SLC9A9: variants seen among roughly 807,000 people sequenced by gnomAD.
SLC9A9 encodes sodium/hydrogen exchanger 9.
Under a neutral mutation model 77.8 loss-of-function variants are expected in SLC9A9, and 62 were observed. The observed-to-expected ratio is 0.80, with a 90% CI of 0.65 to 0.98. The LOEUF (loss-of-function observed/expected upper bound fraction) is 0.98, where lower values mean the gene tolerates loss of function less well. Among genes scored for constraint, SLC9A9 ranks in the 50% least tolerant of loss-of-function variants. The pLI is 0.00. For synonymous variants in SLC9A9, 320 were observed against 283.5 expected (o/e 1.13, Z -1.29); for missense variants, 775 against 774.9 (o/e 1.00, Z 0.00).
intron 6 of SLC9A9, among the ~76,000 whole-genome samples, chr3:143,603,783 T>A (rs1484132129): frequency 6.6e-6 from 1 of 152,246 alleles, no homozygotes; most frequent in Non-Finnish European, 1.5e-5. Flanking sequence ...CAACCGTTAC[T>A]TAGGCTCTAC....
intron 5 of SLC9A9, among the ~76,000 whole-genome samples, chr3:143,689,553 C>T (rs879592055): frequency 6.6e-6 from 1 of 151,974 alleles, no homozygotes; most frequent in African/African-American, 2.4e-5. Flanking sequence ...TACTGGTGTG[C>T]ACCACCACAC....
intron 4 of SLC9A9, among the ~76,000 whole-genome samples, chr3:143,743,519 G>C (rs941641374): frequency 2.6e-5 from 4 of 152,138 alleles, no homozygotes; most frequent in African/African-American, 7.2e-5. Flanking sequence ...ATGTCCAAAG[G>C]TGGGGGAAGA....
chr3:143,798,599 A>G (rs994259268), intron 2 of SLC9A9, among the ~76,000 whole-genome samples: 6 of 152,082 alleles, frequency 3.9e-5, no homozygotes, highest in African/African-American at 1.4e-4. Context: ...CCTAAAATCT[A>G]AGCATTTTAT....
intron 12 of SLC9A9, among the ~76,000 whole-genome samples, chr3:143,382,702 A>G (rs372377255): frequency 3.4e-4 from 52 of 152,334 alleles, no homozygotes; most frequent in African/African-American, 1.2e-3. Context: ...AAAAAATTAC[A>G]TATGTTTTTA....
chr3:143,505,782 A>C lies in SLC9A9; in HGVS notation c.1090-10334T>G, dbSNP rs1370923055. ...GTAAGTAAAGTTAATATAGGACATAAATGTAGTTACAGCTACAAGGAATTG... is the reference window on the plus strand; with the variant it reads ...GTAAGTAAAGTTAATATAGGACATACATGTAGTTACAGCTACAAGGAATTG... On this transcript the variant is annotated intron_variant, in intron 9 of 15. Coordinates refer to ENST00000316549, the MANE Select transcript of SLC9A9 (RefSeq NM_173653.4). Among the ~76,000 whole-genome samples, 3 of 152,346 alleles carry C rather than the reference A, an allele frequency of 2.0e-5. No homozygotes were observed. The South Asian group carries it at 6.2e-4, about 32-fold the overall frequency.
chr3:143,467,112 G>A lies in SLC9A9; in HGVS notation c.1394C>T (p.Thr465Met), dbSNP rs771359670. ...GACAGTGAAGAACACGAGGAGCAGC[G>A]TAGTGGTAAACATCATTTGTTTGGG... Reference protein sequence around the residue: ...SQPKQMMFTTTLLLVFFTVWV... With the variant: ...SQPKQMMFTTMLLLVFFTVWV... The change falls in exon 12 of 16, where the codon ACG (threonine) becomes ATG (methionine). Residue 465 changes from threonine to methionine, a missense_variant. Physicochemically the swap from Thr to Met is moderately conservative, Grantham distance 81. Transcript: ENST00000316549. 26 of 1,614,026 alleles carry A rather than the reference G, an allele frequency of 1.6e-5. No homozygotes were observed. Among genetic ancestry groups the A allele is most frequent in the African/African-American group, 2.7e-5 (2 of 74,942 alleles).
chr3:143,660,184 T>A (rs935367920), intron 5 of SLC9A9, among the ~76,000 whole-genome samples: 4 of 152,212 alleles, frequency 2.6e-5, no homozygotes, highest in Admixed American at 6.5e-5. Flanking sequence ...TTACATTATG[T>A]GGGCAGGTCC....
chr3:143,467,390 T>A (rs2035301434), intron 11 of SLC9A9, among the ~76,000 whole-genome samples, 200 bp from the exon 12 acceptor site: 1 of 152,212 alleles, frequency 6.6e-6, no homozygotes, highest in African/African-American at 2.4e-5. Context: ...CTCAATGATA[T>A]CATGCAAAAC....
chr3:143,304,893 C>T (rs1236960885), intron 14 of SLC9A9, among the ~76,000 whole-genome samples: 1 of 152,140 alleles, frequency 6.6e-6, no homozygotes, highest in Non-Finnish European at 1.5e-5. Flanking sequence ...GCTCAGCACC[C>T]CTATACACTT....
At chr3:143,832,564 G>A (rs1168723088) in intron 1 of SLC9A9, among the ~76,000 whole-genome samples, 2 of 152,030 alleles carry the variant, frequency 1.3e-5, no homozygotes, top group Non-Finnish European at 2.9e-5. Context: ...CATCTAATCA[G>A]GAGATGGAAT....
intron 9 of SLC9A9, chr3:143,504,220 G>T: frequency 3.5e-6 from 1 of 286,920 alleles, no homozygotes; most frequent in South Asian, 4.1e-5. Flanking sequence ...CAGCACTAGT[G>T]ACCAGGTGCC....
intron 5 of SLC9A9, chr3:143,655,433 A>G (rs2038872154): frequency 1.0e-6 from 1 of 976,824 alleles, no homozygotes. Context: ...GAAAAGATGC[A>G]ATCCGATTTC....
At chr3:143,658,328 A>G (rs1242059) in intron 5 of SLC9A9, among the ~76,000 whole-genome samples, 4,751 of 152,344 alleles carry the variant, frequency 0.031, 107 homozygotes, top group Middle Eastern at 0.088. Context: ...TGAGAATCAT[A>G]CTAGCTAAGC....
chr3:143,776,338 A>G (rs954543508), intron 4 of SLC9A9, among the ~76,000 whole-genome samples: 1 of 152,188 alleles, frequency 6.6e-6, no homozygotes, highest in Non-Finnish European at 1.5e-5. Flanking sequence ...TCATCTATTC[A>G]AATCAAATCT....
chr3:143,491,197 C>T (rs1470468585), intron 11 of SLC9A9, among the ~76,000 whole-genome samples: 1 of 152,032 alleles, frequency 6.6e-6, no homozygotes, highest in Non-Finnish European at 1.5e-5. Flanking sequence ...AGGTAGGTGT[C>T]CTGAAAATTT....
chr3:143,631,384 C>T (rs2038420557), intron 6 of SLC9A9, among the ~76,000 whole-genome samples: 2 of 152,140 alleles, frequency 1.3e-5, no homozygotes, highest in Non-Finnish European at 2.9e-5. Context: ...GCAGAGGAGA[C>T]AACATTTAAT....
chr3:143,546,031 T>G (rs2036783337), intron 9 of SLC9A9, among the ~76,000 whole-genome samples: 1 of 152,186 alleles, frequency 6.6e-6, no homozygotes, highest in Admixed American at 6.5e-5. Context: ...ATGGAAAAAG[T>G]AAAGCTCATG....
chr3:143,653,533 C>G (rs141840594), intron 5 of SLC9A9, among the ~76,000 whole-genome samples: 2 of 151,772 alleles, frequency 1.3e-5, no homozygotes, highest in African/African-American at 4.8e-5. Context: ...AACAGTGCTA[C>G]GAGGAAATAA....
intron 6 of SLC9A9, among the ~76,000 whole-genome samples, chr3:143,637,330 T>C (rs2038540207): frequency 6.6e-6 from 1 of 152,162 alleles, no homozygotes. Context: ...ACAGATGGAA[T>C]TACAAAATAC....
Sources: allele counts gnomAD v4.1 joint callset (sites outside exome capture counted in the v4.1 genomes callset), GRCh38; gene constraint gnomAD v4.1.1; transcripts MANE v1.5; gene names NCBI Gene and HGNC (gene_info 2026-07-23, HGNC 2026-07-21).